The following ROR1 variants were observed in gnomAD, a reference collection of about 807,000 sequenced individuals.
ROR1 encodes the protein inactive tyrosine-protein kinase transmembrane receptor ROR1.
ROR1 carries 19 observed loss-of-function variants against 78.8 expected under a neutral mutation model. The observed-to-expected ratio is 0.24, with a 90% CI of 0.17 to 0.35. ROR1 has a LOEUF of 0.35. Among genes scored for constraint, ROR1 ranks in the 10% least tolerant of loss-of-function variants. ROR1 has a pLI of 1.00. For missense variants in ROR1, 917 were observed against 1,177.8 expected, an observed-to-expected ratio of 0.78 and a Z score of 3.24; for synonymous variants, 386 against 433.6, an observed-to-expected ratio of 0.89 and a Z score of 1.36.
chr1:63,891,753 T>G (rs1645398257), intron 1 of ROR1, among the ~76,000 whole-genome samples: 2 of 152,138 alleles, frequency 1.3e-5, no homozygotes, highest in Non-Finnish European at 2.9e-5. Context: ...ACTTATCTTC[T>G]TCTGTCTGTG....
intron 2 of ROR1, among the ~76,000 whole-genome samples, chr1:64,010,625 A>G (rs867318371): frequency 3.9e-5 from 6 of 152,132 alleles, no homozygotes; most frequent in Non-Finnish European, 7.3e-5. Context: ...TTAGCTCTCT[A>G]TTGTCTACTG....
At chr1:64,173,210 A>G (rs889870991) in intron 8 of ROR1, among the ~76,000 whole-genome samples, 2 of 152,136 alleles carry the variant, frequency 1.3e-5, no homozygotes, top group Admixed American at 1.3e-4. Context: ...GGACTCTGCC[A>G]TTTTAGATGC....
intron 2 of ROR1, among the ~76,000 whole-genome samples, chr1:64,042,168 C>T (rs894381822): frequency 2.0e-5 from 3 of 152,104 alleles, no homozygotes; most frequent in African/African-American, 7.2e-5. Flanking sequence ...TTCTCTTATT[C>T]ACTACACAGG....
chr1:63,777,372 A>G (rs1188745351), intron 1 of ROR1, among the ~76,000 whole-genome samples: 1 of 152,228 alleles, frequency 6.6e-6, no homozygotes, highest in Non-Finnish European at 1.5e-5. Flanking sequence ...TTTCTGGTGA[A>G]AACACTGAGA....
rs1650422033 is a variant in ROR1, at chr1:64,177,661, T to C, written c.1620T>C (p.Gly540=). 6.2e-7 allele frequency: 1 copy of C among 1,614,078 alleles called. No individual in the cohort carries two copies. The highest frequency in any genetic ancestry group is 1.3e-5 in the African/African-American group (1 of 74,926). ...ACCCCAATATTGTCTGCCTTCTAGG[T>C]GCCGTCACTCAGGAACAACCTGTGT... ...LHHPNIVCLL[G]AVTQEQPVCM... Residue 540 remains glycine (G), a synonymous_variant, in exon 9 of 9, where the codon GGT becomes GGC. Transcript: ENST00000371079.
intron 4 of ROR1, among the ~76,000 whole-genome samples, chr1:64,085,048 G>A (rs1000583914): frequency 6.6e-6 from 1 of 152,144 alleles, no homozygotes; most frequent in Non-Finnish European, 1.5e-5. Flanking sequence ...GAGTGAGCAT[G>A]CTTAAGGAAA....
At chr1:64,029,072 G>T (rs912338551) in intron 2 of ROR1, 4 of 151,966 alleles carry the variant, frequency 2.6e-5, no homozygotes, top group African/African-American at 9.7e-5. Context: ...TTCAGTACTA[G>T]TTTTATGATC....
chr1:64,117,539 A>G (rs537691897), intron 4 of ROR1, among the ~76,000 whole-genome samples: 27 of 152,264 alleles, frequency 1.8e-4, no homozygotes, highest in Admixed American at 1.3e-4. Flanking sequence ...CCTTTTTCTC[A>G]CATCACCTGC....
At chr1:63,894,718 C>T (rs752587792) in intron 1 of ROR1, among the ~76,000 whole-genome samples, 1 of 152,144 alleles carries the variant, frequency 6.6e-6, no homozygotes, top group Non-Finnish European at 1.5e-5. Flanking sequence ...CTTCTGGGCA[C>T]TGGGTAGTGA....
In ROR1 at chr1:64,119,924, T is replaced by C. The variant is rs544430009; in HGVS notation, c.483-17445T>C. Among the ~76,000 whole-genome samples, 126 of 152,326 alleles carry C rather than the reference T, an allele frequency of 8.3e-4. 1 individual carries two copies. The Middle Eastern group carries it at 0.014, about 16-fold the overall frequency. On this transcript the variant is annotated intron_variant, in intron 4 of 8. Transcript: ENST00000371079. The stretch of plus-strand genomic sequence containing the variant: ...CTTGGATGCTGTGACTTAGAGATTT[T>C]CAAATGCCACTTTCTTAAAAAGGGG...
intron 2 of ROR1, among the ~76,000 whole-genome samples, chr1:64,027,486 T>C (rs1448235685): frequency 6.6e-6 from 1 of 152,216 alleles, no homozygotes; most frequent in Non-Finnish European, 1.5e-5. Context: ...TTTCTTGCGG[T>C]TTTTACCATT....
intron 4 of ROR1, among the ~76,000 whole-genome samples, chr1:64,100,883 G>A (rs1006173973): frequency 3.3e-5 from 5 of 152,154 alleles, no homozygotes; most frequent in African/African-American, 1.2e-4. Context: ...CTGGACCATG[G>A]AATAGATCGT....
chr1:64,117,963 G>C (rs1047070891), intron 4 of ROR1, among the ~76,000 whole-genome samples: 2 of 152,262 alleles, frequency 1.3e-5, no homozygotes, highest in African/African-American at 2.4e-5. Flanking sequence ...CACTTTGGGA[G>C]TTCAAGGCGG....
At chr1:63,949,045 G>A (rs79186825) in intron 1 of ROR1, among the ~76,000 whole-genome samples, 11 of 152,278 alleles carry the variant, frequency 7.2e-5, no homozygotes, top group Non-Finnish European at 8.8e-5. Flanking sequence ...TGCTTAATGA[G>A]CTACCCTACA....
At chr1:63,895,580 C>T (rs891555352) in intron 1 of ROR1, among the ~76,000 whole-genome samples, 1 of 151,250 alleles carries the variant, frequency 6.6e-6, no homozygotes, top group Non-Finnish European at 1.5e-5. Flanking sequence ...TCACACATCT[C>T]GATTAGGTAC....
At chr1:64,035,487 T>TTTGA (rs1646694821) in intron 2 of ROR1, among the ~76,000 whole-genome samples, 2 of 152,126 alleles carry the variant, frequency 1.3e-5, no homozygotes, top group South Asian at 4.2e-4. Flanking sequence ...AGCAGCCATG[T>TTTGA]TTGAATTTAT....
At chr1:63,834,531 G>A (rs915748174) in intron 1 of ROR1, among the ~76,000 whole-genome samples, 1 of 152,162 alleles carries the variant, frequency 6.6e-6, no homozygotes, top group African/African-American at 2.4e-5. Context: ...AAAAATGGCA[G>A]CTCTTCTGTT....
chr1:64,151,880 C>CT (rs1276075477), intron 7 of ROR1, among the ~76,000 whole-genome samples: 1 of 29,908 alleles, frequency 3.3e-5, no homozygotes, highest in Non-Finnish European at 1.3e-4. Context: ...GACACTCCGT[C>CT]TCAAAAAAAA....
intron 6 of ROR1, among the ~76,000 whole-genome samples, chr1:64,140,783 G>A (rs898370725): frequency 2.4e-4 from 37 of 152,112 alleles, no homozygotes; most frequent in Admixed American, 5.2e-4. Context: ...ATAGCCAAAA[G>A]GTGGAAATGA....
Sources: gnomAD v4.1 joint callset for allele counts (sites outside exome capture counted in the v4.1 genomes callset) on GRCh38, gnomAD v4.1.1 for gene constraint, MANE v1.5 for transcripts, NCBI Gene and HGNC (gene_info 2026-07-23, HGNC 2026-07-21) for gene names.